ATP2B2: variants seen among roughly 807,000 people sequenced by gnomAD.
ATP2B2 encodes the protein plasma membrane calcium-transporting ATPase 2.
A neutral mutation model predicts 120.0 loss-of-function variants in ATP2B2; 15 were observed. The ratio of observed to expected loss-of-function variants is 0.12; its 90% CI spans 0.08 to 0.19. The LOEUF (loss-of-function observed/expected upper bound fraction) is 0.19. Among genes scored for constraint, ATP2B2 ranks in the 10% least tolerant of loss-of-function variants. The pLI is 1.00. For synonymous variants in ATP2B2, 694 were observed against 700.3 expected (o/e 0.99, Z 0.14); for missense variants, 1,045 against 1,719.8 (o/e 0.61, Z 6.94).
intron 1 of ATP2B2, among the ~76,000 whole-genome samples, chr3:10,646,081 A>G (rs1180632909): frequency 6.6e-6 from 1 of 152,124 alleles, no homozygotes; most frequent in Non-Finnish European, 1.5e-5. Flanking sequence ...CAGAAACTTC[A>G]TCCAAAGCCC....
At chr3:10,376,950 C>T (rs957834599) in intron 10 of ATP2B2, among the ~76,000 whole-genome samples, 3 of 152,162 alleles carry the variant, frequency 2.0e-5, no homozygotes, top group East Asian at 3.9e-4. Context: ...TCTTCCCTAG[C>T]GTGGACCTGT....
rs2059872557 is a variant in ATP2B2 at position 10,327,199 on chromosome 3, G to A, written c.*1615C>T. 1 of 189,530 alleles carries A rather than the reference G, an allele frequency of 5.3e-6. No individual in the cohort carries two copies. Among genetic ancestry groups the A allele is most frequent in the Non-Finnish European group, 1.1e-5 (1 of 93,124 alleles). The allele number at this position is 189,530 out of a possible 1,614,324, so 11.7% of individuals were successfully genotyped here. On this transcript the variant is annotated 3_prime_UTR_variant, in exon 23 of 23. Coordinates refer to ENST00000360273, the MANE Select transcript of ATP2B2 (RefSeq NM_001001331.4). ...CCAATTAAATAAGCTCTTATTAAGT[G>A]GGATTACTAGTGCTGTTGTCTTGGG...
At chr3:10,562,344 T>C (rs1287450320) in intron 2 of ATP2B2, among the ~76,000 whole-genome samples, 3 of 151,902 alleles carry the variant, frequency 2.0e-5, no homozygotes, top group Non-Finnish European at 4.4e-5. Flanking sequence ...GGCTGAAGAG[T>C]TGGGCATGAG....
chr3:10,540,717 C>T (rs1477282451), intron 2 of ATP2B2, among the ~76,000 whole-genome samples: 3 of 95,096 alleles, frequency 3.2e-5, no homozygotes, highest in African/African-American at 4.4e-5. Context: ...TGGGGCCTGT[C>T]GTGGGGTGGG....
chr3:10,508,887 G>A (rs1275398327), upstream of ATP2B2, among the ~76,000 whole-genome samples: 1 of 152,210 alleles, frequency 6.6e-6, no homozygotes, highest in Non-Finnish European at 1.5e-5. Context: ...CCTCCAGCAT[G>A]ATTTGGCTTA....
intron 12 of ATP2B2, among the ~76,000 whole-genome samples, chr3:10,361,675 G>A (rs2060904518): frequency 6.6e-6 from 1 of 152,198 alleles, no homozygotes; most frequent in African/African-American, 2.4e-5. Flanking sequence ...CTCCTCCCAG[G>A]TGGGTCCCTC....
intron 22 of ATP2B2, chr3:10,336,068 C>CT: frequency 2.0e-6 from 3 of 1,524,830 alleles, no homozygotes; most frequent in Non-Finnish European, 2.7e-6. Flanking sequence ...GCCCCAGCCC[C>CT]TGCCCGCCTG....
Position 10,350,442 on chromosome 3 carries a change from C to G in ATP2B2, c.2272G>C (p.Glu758Gln). 6.2e-7 allele frequency: 1 copy of G among 1,614,212 alleles called. No homozygotes were observed. The highest frequency in any genetic ancestry group is 8.5e-7 in the Non-Finnish European group (1 of 1,180,042). Residue 758 changes from glutamate (E) to glutamine (Q), a missense_variant, in exon 15 of 23, where the codon GAG (glutamate) becomes CAG (glutamine). Glu to Gln is a conservative substitution (Grantham distance 29, BLOSUM62 2). Transcript: ENST00000360273. ...ATCCTCCTGTTGAACTCCTTGCCCT[C>G]GAGGCACAGAAAGTCCTCCCCAGGA... ...IHPGEDFLCL[E>Q]GKEFNRRIRN...
chr3:10,570,996 G>C (rs901475447), intron 2 of ATP2B2, among the ~76,000 whole-genome samples: 6 of 152,254 alleles, frequency 3.9e-5, no homozygotes, highest in Non-Finnish European at 8.8e-5. Flanking sequence ...GGGTCAGTGA[G>C]TTGGCCTGCT....
At chr3:10,471,970 A>G (rs2065025589) in intron 1 of ATP2B2, among the ~76,000 whole-genome samples, 2 of 150,802 alleles carry the variant, frequency 1.3e-5, no homozygotes, top group Non-Finnish European at 3.0e-5. Context: ...AGTCCCAGCT[A>G]CTCGGGAGGC....
rs2059850614 is a variant in ATP2B2, at chr3:10,326,006, A to G, written c.*2808T>C. The G allele has an allele frequency of 6.6e-6, 1 of 152,328 alleles. No homozygotes were observed. Among genetic ancestry groups the G allele is most frequent in the Non-Finnish European group, 1.5e-5 (1 of 68,018 alleles). The allele number at this position is 152,328 out of a possible 1,614,324, so 9.4% of individuals were successfully genotyped here. A position where few individuals can be genotyped will look rare whatever the true frequency, so the allele number is the denominator to read the frequency against. Reference sequence around the variant, plus strand: ...TTTTTTTTTAAACCACAAACATTTCAGAACCACACTGCACGAGTCAGAAGA... The same window carrying G: ...TTTTTTTTTAAACCACAAACATTTCGGAACCACACTGCACGAGTCAGAAGA... On this transcript the variant is annotated 3_prime_UTR_variant, in exon 23 of 23. Coordinates refer to ENST00000360273, the MANE Select transcript of ATP2B2 (RefSeq NM_001001331.4).
chr3:10,634,555 C>T (rs1453566507), intron 1 of ATP2B2, among the ~76,000 whole-genome samples: 2 of 152,234 alleles, frequency 1.3e-5, no homozygotes, highest in African/African-American at 4.8e-5. Flanking sequence ...AGGATCTTCT[C>T]TGTGGCCTTG....
chr3:10,574,501 T>C (rs1039831895), intron 2 of ATP2B2, among the ~76,000 whole-genome samples: 1 of 152,216 alleles, frequency 6.6e-6, no homozygotes, highest in Non-Finnish European at 1.5e-5. Context: ...ATCAACCTTT[T>C]CTTCTATTGA....
In ATP2B2 at chr3:10,450,437, C is replaced by T. The variant is rs540038336; in HGVS notation, c.-319-575G>A. Among the ~76,000 whole-genome samples, 4 of 152,290 alleles carry T rather than the reference C, an allele frequency of 2.6e-5. No individual in the cohort carries two copies. In the South Asian group the frequency reaches 8.3e-4, roughly 32 times the overall value. On this transcript the variant is annotated intron_variant, in intron 1 of 22. Coordinates refer to ENST00000360273, the MANE Select transcript of ATP2B2 (RefSeq NM_001001331.4). ...GGTTCCCCGCCCCTACAAATCCTCC[C>T]TCCACCCATGCCACCTGTGTCCACC...
intron 1 of ATP2B2, among the ~76,000 whole-genome samples, chr3:10,488,761 T>C (rs1559403468): frequency 1.3e-5 from 2 of 152,102 alleles, no homozygotes; most frequent in Non-Finnish European, 2.9e-5. Context: ...TCCACCCTGG[T>C]CCCAGCCACC....
chr3:10,487,457 A>T (rs939063919), intron 1 of ATP2B2, among the ~76,000 whole-genome samples: 3 of 152,204 alleles, frequency 2.0e-5, no homozygotes, highest in African/African-American at 7.2e-5. Flanking sequence ...AGGCTGTGGG[A>T]AGTCAAGGTC....
At chr3:10,525,818 C>T (rs1290971652) in intron 3 of ATP2B2, among the ~76,000 whole-genome samples, 4 of 151,838 alleles carry the variant, frequency 2.6e-5, no homozygotes, top group South Asian at 4.2e-4. Context: ...TGTATCATGC[C>T]TCAATTAAAA....
intron 3 of ATP2B2, among the ~76,000 whole-genome samples, chr3:10,511,727 G>T (rs1414489634): frequency 6.6e-6 from 1 of 152,188 alleles, no homozygotes; most frequent in Non-Finnish European, 1.5e-5. Context: ...AGGAAGGAGA[G>T]CCCCTATTCC....
intron 1 of ATP2B2, among the ~76,000 whole-genome samples, chr3:10,645,790 T>A (rs983040589): frequency 2.0e-5 from 3 of 152,162 alleles, no homozygotes; most frequent in African/African-American, 7.2e-5. Flanking sequence ...GCTGGGGTGA[T>A]AATTGGGTTC....
Sources: gnomAD v4.1 joint callset for allele counts (sites outside exome capture counted in the v4.1 genomes callset) on GRCh38, gnomAD v4.1.1 for gene constraint, MANE v1.5 for transcripts, NCBI Gene and HGNC (gene_info 2026-07-23, HGNC 2026-07-21) for gene names.